Variants in COL2A1 observed in about 807,000 individuals in gnomAD.
COL2A1 encodes the protein collagen type II alpha 1 chain, also known as collagen alpha-1(II) chain.
In COL2A1, 28 loss-of-function variants were observed where a neutral mutation model predicts 204.5. That is an observed-to-expected ratio of 0.14 (90% CI 0.10 to 0.19). The LOEUF (loss-of-function observed/expected upper bound fraction) is 0.19. COL2A1 is among the 10% of genes least tolerant of loss of function. The pLI is 1.00. For missense variants in COL2A1, 1,388 were observed against 2,027.5 expected (o/e 0.68, Z 6.06); for synonymous variants, 708 against 718.7 (o/e 0.99, Z 0.24).
At chr12:48,000,817 C>T (rs1048456602) in intron 1 of COL2A1, among the ~76,000 whole-genome samples, 2 of 152,204 alleles carry the variant, frequency 1.3e-5, no homozygotes, top group South Asian at 4.1e-4. Flanking sequence ...GGGGGATAGA[C>T]CCATTCAAAC....
chr12:47,986,778 G>A, intron 22 of COL2A1, 57 bp downstream of exon 22: 1 of 1,597,296 alleles, frequency 6.3e-7, no homozygotes, highest in South Asian at 1.1e-5. Context: ...TGGGGCTGAG[G>A]CCTGTGCCTC....
At chr12:47,990,240 C>T (rs1024073052) in intron 16 of COL2A1, among the ~76,000 whole-genome samples, 1 of 152,166 alleles carries the variant, frequency 6.6e-6, no homozygotes, top group Non-Finnish European at 1.5e-5. Context: ...GAACTCCTGA[C>T]CTCAGGTGAT....
In COL2A1 at chr12:47,987,781, C is replaced by G; in HGVS notation, c.1123-72G>C. Reference sequence around the variant, plus strand: ...CAGACCTCTAGTGGGTGGGCAATAGCTCAGGGCCAGCTGCAAGCACAGCAC... The same window carrying G: ...CAGACCTCTAGTGGGTGGGCAATAGGTCAGGGCCAGCTGCAAGCACAGCAC... On this transcript the variant is annotated intron_variant, in intron 18 of 53. Coordinates refer to ENST00000380518, the MANE Select transcript of COL2A1 (RefSeq NM_001844.5). The surrounding 1 kb of genome is among the most constrained non-coding windows in gnomAD (Gnocchi z 4.1). The G allele has an allele frequency of 8.4e-7, 1 of 1,190,334 alleles. No homozygotes were observed. Among genetic ancestry groups the G allele is most frequent in the Non-Finnish European group, 1.2e-6 (1 of 814,578 alleles). The allele number at this position is 1,190,334 out of a possible 1,614,324, so 73.7% of individuals were successfully genotyped here. A position where few individuals can be genotyped will look rare whatever the true frequency, so the allele number is the denominator to read the frequency against.
At chr12:47,986,225 G>T in intron 23 of COL2A1, 111 bp downstream of exon 23, 1 of 819,956 alleles carries the variant, frequency 1.2e-6, no homozygotes, top group Non-Finnish European at 2.1e-6. Flanking sequence ...AGAAAGAGGA[G>T]GATGACATGC....
chr12:47,980,202 C>G lies in COL2A1; in HGVS notation c.2626-140G>C, dbSNP rs1938972578. On this transcript the variant is annotated intron_variant, in intron 39 of 53. Coordinates refer to ENST00000380518, the MANE Select transcript of COL2A1 (RefSeq NM_001844.5). This position sits in a 1 kb window ranked among gnomAD's most constrained non-coding sequence, Gnocchi z 4.5. Reference sequence around the variant, plus strand: ...CTAAAAACCCAGCCTGAAGAGGCTGCCACAGGCAGCTCTGTCCCCTCTGCC... The same window carrying G: ...CTAAAAACCCAGCCTGAAGAGGCTGGCACAGGCAGCTCTGTCCCCTCTGCC... The G allele has an allele frequency of 1.3e-6, 1 of 761,890 alleles. No individual in the cohort carries two copies. The highest frequency in any genetic ancestry group is 2.3e-6 in the Non-Finnish European group (1 of 440,760). 47.2% of individuals were successfully genotyped at this position (761,890 alleles called of 1,614,324 possible).
In COL2A1 at chr12:47,972,978, A is replaced by G; in HGVS notation, c.*429T>C. The G allele has an allele frequency of 2.0e-6, 1 of 499,728 alleles. No homozygotes were observed. The highest frequency in any genetic ancestry group is 2.9e-5 in the East Asian group (1 of 34,206). 31.0% of individuals were successfully genotyped at this position (499,728 alleles called of 1,614,324 possible). ...CACAAGTCAATATGTACTTTCCAAT[A>G]ATCTTTTCATTTTTAATATCAATTG... On this transcript the variant is annotated 3_prime_UTR_variant, in exon 54 of 54. Coordinates refer to ENST00000380518, the MANE Select transcript of COL2A1 (RefSeq NM_001844.5).
intron 15 of COL2A1, 71 bp from the exon 16 acceptor site, chr12:47,993,002 C>A: frequency 6.8e-7 from 1 of 1,464,572 alleles, no homozygotes; most frequent in South Asian, 1.2e-5. Flanking sequence ...TTTCTACCTG[C>A]AGGCCCTTTG....
At position 47,979,787 on chromosome 12, in the gene COL2A1, G is replaced by T. The variant is rs1793943; in HGVS notation, c.2679+222C>A. Among the ~76,000 whole-genome samples, 23,099 of 152,234 alleles carry T rather than the reference G, an allele frequency of 0.15. 2,251 individuals carry two copies. The highest frequency in any genetic ancestry group is 0.22 in the Middle Eastern group (66 of 294). On this transcript the variant is annotated intron_variant, in intron 40 of 53. Transcript: ENST00000380518. ...CGGTTTCCACAGTCAGCACTTCAGG[G>T]AGCTGAACGAGGGACAAGCCTCGGG...
At position 47,979,531 on chromosome 12, in the gene COL2A1, C is replaced by T. The variant is rs759822181; in HGVS notation, c.2713G>A (p.Val905Ile). 6.8e-6 allele frequency: 11 copies of T among 1,613,424 alleles called. No individual in the cohort carries two copies. The highest frequency in any genetic ancestry group is 6.7e-5 in the East Asian group (3 of 44,878). Residue 905 changes from valine (V) to isoleucine (I), a missense_variant, in exon 41 of 54, where the codon GTT becomes ATT. By Grantham distance (29) the Val-to-Ile change is conservative. This residue lies in a region of COL2A1 where 884 missense variants were observed against 1,415.8 expected (regional missense o/e 0.62). Transcript: ENST00000380518. ...ATGFPGAAGR[V>I]GPPGSNGNPG... ...CTTACATTGGAGCCTGGGGGTCCAA[C>T]GCGGCCAGCAGCTCCAGGGAATCCA...
At chr12:47,995,635 G>A (rs182269647) in intron 10 of COL2A1, 75 bp downstream of exon 10, 2 of 1,412,144 alleles carry the variant, frequency 1.4e-6, no homozygotes, top group African/African-American at 2.8e-5. Flanking sequence ...GCCTGGGAGG[G>A]ACAGCAGCTG....
rs1635537 is a variant in COL2A1 at position 47,989,452 on chromosome 12, A to G, written c.1069-171T>C. 0.49 allele frequency among the ~76,000 whole-genome samples: 74,019 copies of G among 151,898 alleles called. 18,378 individuals are homozygous for G. Among genetic ancestry groups the G allele is most frequent in the East Asian group, 0.57 (2,926 of 5,144 alleles). On this transcript the variant is annotated intron_variant, in intron 17 of 53. Transcript: ENST00000380518. ...TCCCCATTGCCAGCGTCCCCAGGAA[A>G]CTTTGCCTGGCTTCAGAAGGCAAAG... is the stretch of plus-strand genomic sequence containing the variant.
chr12:47,975,184 A>C, intron 51 of COL2A1, 133 bp downstream of exon 51: 1 of 1,203,992 alleles, frequency 8.3e-7, no homozygotes, highest in Non-Finnish European at 1.2e-6. Flanking sequence ...CTGTGAAATA[A>C]GAGAGGAACC....
At position 48,004,219 on chromosome 12, in the gene COL2A1, G is replaced by A. The variant is rs3803184; in HGVS notation, c.85+18C>T. ...GCATGGAAAGCAGGCAGGCAGGCAG[G>A]GGCGGGGGAAGACTTACGGACATCC... On this transcript the variant is annotated intron_variant, in intron 1 of 53. Transcript: ENST00000380518. 2 of 1,527,102 alleles carry A rather than the reference G, an allele frequency of 1.3e-6. No individual in the cohort carries two copies. Among genetic ancestry groups the A allele is most frequent in the African/African-American group, 1.4e-5 (1 of 72,436 alleles). 94.6% of individuals were successfully genotyped at this position (1,527,102 alleles called of 1,614,324 possible).
At chr12:47,982,633 T>A in intron 33 of COL2A1, 24 bp from the exon 34 acceptor site, 5 of 1,551,356 alleles carry the variant, frequency 3.2e-6, no homozygotes, top group Non-Finnish European at 4.4e-6. Context: ...TAAGAGGGAG[T>A]CTGTAGTGGA....
rs989110731 is a variant in COL2A1, at chr12:47,974,132, C to G, written c.4274G>C (p.Gly1425Ala). The G allele has an allele frequency of 6.2e-7, 1 of 1,613,960 alleles. No individual in the cohort carries two copies. ...GGCAGTGTACGTGAACCTGCTATTG[C>G]CCTCTGCCCGGATCTCCACGTCATT... ...GSNDVEIRAE[G>A]NSRFTYTALK... Residue 1425 changes from glycine to alanine, a missense_variant, in exon 53 of 54, where the codon GGC (glycine) becomes GCC (alanine). Physicochemically the swap from Gly to Ala is moderately conservative, Grantham distance 60. This residue lies in a region of COL2A1 where 303 missense variants were observed against 369.2 expected (regional missense o/e 0.82). Transcript: ENST00000380518.
At position 47,981,692 on chromosome 12, in the gene COL2A1, C is replaced by G. The variant is rs1793937; in HGVS notation, c.2409+84G>C. 526,050 of 1,430,636 alleles carry G rather than the reference C, an allele frequency of 0.37. 100,777 individuals carry two copies. The highest frequency in any genetic ancestry group is 0.45 in the East Asian group (18,210 of 40,240). The allele number at this position is 1,430,636 out of a possible 1,614,324, so 88.6% of individuals were successfully genotyped here. ...CGAGGGTGACAGTGGTGAGGGAGGA[C>G]AAGACAGAACCGCCTTTGGCAGGAG... On this transcript the variant is annotated intron_variant, in intron 36 of 53. Coordinates refer to ENST00000380518, the MANE Select transcript of COL2A1 (RefSeq NM_001844.5).
At chr12:47,983,596 G>A in intron 30 of COL2A1, 87 bp downstream of exon 30, 1 of 1,482,530 alleles carries the variant, frequency 6.7e-7, no homozygotes, top group Admixed American at 1.9e-5. Flanking sequence ...AAGAGGTGTG[G>A]GCCCTCCACC....
intron 2 of COL2A1, 74 bp from the exon 3 acceptor site, chr12:47,998,505 A>G: frequency 1.4e-6 from 2 of 1,457,382 alleles, no homozygotes; most frequent in East Asian, 2.3e-5. Context: ...TTGTCACTCA[A>G]ACACTCATTA....
chr12:47,982,383 CA>C, intron 34 of COL2A1, 118 bp downstream of exon 34: 1 of 923,074 alleles, frequency 1.1e-6, no homozygotes, highest in Non-Finnish European at 1.8e-6. Flanking sequence ...TTAAGCTCCT[CA>C]AAAAGGGCTA....
Sources: gnomAD v4.1 joint callset for allele counts (sites outside exome capture counted in the v4.1 genomes callset) on GRCh38, gnomAD v4.1.1 for gene constraint, gnomAD v4.1.1 regional missense constraint, Gnocchi (gnomAD v3.1) non-coding constraint, MANE v1.5 for transcripts, NCBI Gene and HGNC (gene_info 2026-07-23, HGNC 2026-07-21) for gene names.